Variants in NCAM2 observed in about 807,000 individuals in gnomAD.
NCAM2 encodes neural cell adhesion molecule 2, also known as N-CAM-2.
In NCAM2, 30 loss-of-function variants were observed where a neutral mutation model predicts 98.1. The observed-to-expected ratio is 0.31, with a 90% CI of 0.23 to 0.41. NCAM2 has a LOEUF of 0.41. Among genes scored for constraint, NCAM2 ranks in the 10% least tolerant of loss-of-function variants. The pLI, the probability that NCAM2 is intolerant of heterozygous loss-of-function variation, is 1.00. For synonymous variants in NCAM2, 368 were observed against 342.4 expected, an observed-to-expected ratio of 1.07 and a Z score of -0.83; for missense variants, 867 against 1,005.8, an observed-to-expected ratio of 0.86 and a Z score of 1.87.
At chr21:21,062,873 A>G (rs999525360) in intron 1 of NCAM2, among the ~76,000 whole-genome samples, 1 of 152,222 alleles carries the variant, frequency 6.6e-6, no homozygotes, top group East Asian at 1.9e-4. Context: ...ATCATAACTC[A>G]TATGCAGATG....
At chr21:21,512,495 G>T (rs961664751) in intron 16 of NCAM2, among the ~76,000 whole-genome samples, 3 of 151,980 alleles carry the variant, frequency 2.0e-5, no homozygotes, top group Non-Finnish European at 4.4e-5. Flanking sequence ...TTATACCTTT[G>T]TAGTATAATT....
chr21:21,462,820 T>A (rs1317333799), intron 12 of NCAM2, among the ~76,000 whole-genome samples: 1 of 152,040 alleles, frequency 6.6e-6, no homozygotes, highest in Non-Finnish European at 1.5e-5. Flanking sequence ...AAATTCATGA[T>A]TGTTTATAAT....
intron 1 of NCAM2, among the ~76,000 whole-genome samples, chr21:21,275,337 G>A (rs992835637): frequency 2.6e-5 from 4 of 152,034 alleles, no homozygotes; most frequent in Admixed American, 1.3e-4. Flanking sequence ...CTACTCTGGA[G>A]GCTGAGGCAG....
rs956648019 is a variant in NCAM2 at position 21,084,792 on chromosome 21, T to C, written c.55+86174T>C. Among the ~76,000 whole-genome samples, 11 of 152,342 alleles carry C rather than the reference T, an allele frequency of 7.2e-5. No individual in the cohort carries two copies. In the East Asian group the frequency reaches 1.5e-3, roughly 21 times the overall value. Reference sequence around the variant, plus strand: ...TAAGGCACTGATAATGTAATTAGCATTCAATAAATATTTGTTTATATGGAT... The same window carrying C: ...TAAGGCACTGATAATGTAATTAGCACTCAATAAATATTTGTTTATATGGAT... On this transcript the variant is annotated intron_variant, in intron 1 of 17. Transcript: ENST00000400546.
At chr21:21,083,401 CAAGCTGAACACTATA>C (rs67290487) in intron 1 of NCAM2, among the ~76,000 whole-genome samples, 92,580 of 150,986 alleles carry the variant, frequency 0.61, 30,930 homozygotes, top group Non-Finnish European at 0.73. Flanking sequence ...AATCTAGACC[CAAGCTGAACACTATA>C]AATCATCTTT....
rs537814013 is a variant in NCAM2 at position 21,497,704 on chromosome 21, A to G, written c.2078-11147A>G. Among the ~76,000 whole-genome samples the G allele has an allele frequency of 4.6e-5, 7 of 152,298 alleles. No homozygotes were observed. In the East Asian group the frequency reaches 1.4e-3, roughly 29 times the overall value. Reference sequence around the variant, plus strand: ...CTGAAGAATAAGTGTTGGGAAATACATACATCTACCCCCTAAAGAATAAGC... The same window carrying G: ...CTGAAGAATAAGTGTTGGGAAATACGTACATCTACCCCCTAAAGAATAAGC... On this transcript the variant is annotated intron_variant, in intron 15 of 17. Transcript: ENST00000400546.
At chr21:21,296,825 G>A (rs562263560) in intron 5 of NCAM2, among the ~76,000 whole-genome samples, 1 of 151,712 alleles carries the variant, frequency 6.6e-6, no homozygotes, top group African/African-American at 2.4e-5. Context: ...AAGACTTCTA[G>A]TGTGGGTTTT....
rs184985385 is a variant in NCAM2, at chr21:21,060,880, G to C, written c.55+62262G>C. Among the ~76,000 whole-genome samples, 522 of 152,148 alleles carry C rather than the reference G, an allele frequency of 3.4e-3. 6 individuals are homozygous for C. Among genetic ancestry groups the C allele is most frequent in the African/African-American group, 0.012 (502 of 41,542 alleles). The stretch of plus-strand genomic sequence containing the variant: ...TTGAATGCAGGGCAAGTCATCCAGG[G>C]CCCAGGTAAAGAGATTATTATTCTA... On this transcript the variant is annotated intron_variant, in intron 1 of 17. Coordinates refer to ENST00000400546, the MANE Select transcript of NCAM2 (RefSeq NM_004540.5).
chr21:21,292,274 G>T, intron 5 of NCAM2, 33 bp downstream of exon 5: 2 of 1,581,286 alleles, frequency 1.3e-6, no homozygotes, highest in Non-Finnish European at 8.6e-7. Context: ...ATGTTTTATG[G>T]ATTCATTTTA....
In NCAM2 at chr21:21,349,364, A is replaced by T. The variant is rs550933021; in HGVS notation, c.1044+10830A>T. Among the ~76,000 whole-genome samples the T allele has an allele frequency of 2.0e-5, 3 of 152,320 alleles. No homozygotes were observed. The East Asian group carries it at 5.8e-4, about 29-fold the overall frequency. On this transcript the variant is annotated intron_variant, in intron 8 of 17. Transcript: ENST00000400546. ...ATGGATCATCAGATAAATGCAAATG[A>T]AAACTACAATGAGATATCTTCTCAC...
intron 15 of NCAM2, among the ~76,000 whole-genome samples, chr21:21,490,233 A>T (rs1280949727): frequency 6.7e-6 from 1 of 149,668 alleles, no homozygotes; most frequent in East Asian, 1.9e-4. Context: ...AAAAAAAACA[A>T]TATCCAAGAA....
chr21:21,067,661 T>C (rs528017082), intron 1 of NCAM2, among the ~76,000 whole-genome samples: 2 of 152,318 alleles, frequency 1.3e-5, no homozygotes, highest in Admixed American at 1.3e-4. Context: ...ATAATCATTC[T>C]ACTTATATTA....
At chr21:21,146,539 C>T (rs1280655941) in intron 1 of NCAM2, among the ~76,000 whole-genome samples, 1 of 96,874 alleles carries the variant, frequency 1.0e-5, no homozygotes, top group African/African-American at 4.3e-5. Context: ...ATATAAAATA[C>T]TTACAGGATA....
At position 21,292,087 on chromosome 21, in the gene NCAM2, C is replaced by T. The variant is rs750950880; in HGVS notation, c.482-17C>T. 4.1e-5 allele frequency: 65 copies of T among 1,600,330 alleles called. No homozygotes were observed. The highest frequency in any genetic ancestry group is 1.7e-4 in the Middle Eastern group (1 of 5,984). On this transcript the variant is annotated splice_polypyrimidine_tract_variant and intron_variant, in intron 4 of 17. Transcript: ENST00000400546. The stretch of plus-strand genomic sequence containing the variant: ...TCAATTACTGATACCATTTTCTCCC[C>T]TTTGCTTTCTTTCCAGATCGGTTCG...
intron 16 of NCAM2, among the ~76,000 whole-genome samples, chr21:21,526,867 A>G (rs1043217336): frequency 3.9e-5 from 6 of 152,174 alleles, no homozygotes. Flanking sequence ...TTAAGGCAGT[A>G]CTATGGTAAA....
intron 5 of NCAM2, among the ~76,000 whole-genome samples, chr21:21,309,793 A>G (rs1265910912): frequency 6.6e-6 from 1 of 152,160 alleles, no homozygotes; most frequent in Non-Finnish European, 1.5e-5. Context: ...GCTGCAATCT[A>G]GAAACTCTCT....
intron 1 of NCAM2, among the ~76,000 whole-genome samples, chr21:21,169,479 C>G (rs1330796940): frequency 1.3e-5 from 2 of 152,108 alleles, no homozygotes; most frequent in Non-Finnish European, 2.9e-5. Context: ...TCTTGAAAGA[C>G]CCTGTCAGGA....
At chr21:21,450,530 G>C (rs1980876373) in intron 12 of NCAM2, among the ~76,000 whole-genome samples, 2 of 151,860 alleles carry the variant, frequency 1.3e-5, no homozygotes, top group African/African-American at 2.4e-5. Flanking sequence ...AGGTCTTGCT[G>C]TGTTGCTCAG....
At chr21:21,362,484 C>A (rs1471493801) in intron 8 of NCAM2, among the ~76,000 whole-genome samples, 1 of 151,916 alleles carries the variant, frequency 6.6e-6, no homozygotes, top group African/African-American at 2.4e-5. Context: ...GCCTTGAACT[C>A]CTGGGTCAAC....
Sources: allele counts gnomAD v4.1 joint callset (sites outside exome capture counted in the v4.1 genomes callset), GRCh38; gene constraint gnomAD v4.1.1; transcripts MANE v1.5; gene names NCBI Gene and HGNC (gene_info 2026-07-23, HGNC 2026-07-21).